Variants in ANO3 observed in about 807,000 individuals in gnomAD.
ANO3 encodes the protein anoctamin 3, also known as anoctamin-3.
A neutral mutation model predicts 144.8 loss-of-function variants in ANO3; 99 were observed. The observed-to-expected ratio is 0.68, with a 90% CI of 0.58 to 0.81. ANO3 has a LOEUF of 0.81. ANO3 is among the 30% of genes least tolerant of loss of function. The pLI is 0.00. For synonymous variants in ANO3, 414 were observed against 392.6 expected (o/e 1.05, Z -0.64); for missense variants, 905 against 1,202.2 (o/e 0.75, Z 3.66).
intron 5 of ANO3, among the ~76,000 whole-genome samples, chr11:26,512,442 C>T (rs990647633): frequency 6.6e-6 from 1 of 152,158 alleles, no homozygotes; most frequent in African/African-American, 2.4e-5. Flanking sequence ...GGTAATCTTT[C>T]TCCCTGACAG....
chr11:26,437,863 A>T (rs1229219072), intron 1 of ANO3, among the ~76,000 whole-genome samples: 1 of 152,256 alleles, frequency 6.6e-6, no homozygotes, highest in East Asian at 1.9e-4. Flanking sequence ...AAATATTGGG[A>T]ATTAGAATTT....
At chr11:26,311,822 A>G (rs998144622) in intron 1 of ANO3, among the ~76,000 whole-genome samples, 1 of 152,096 alleles carries the variant, frequency 6.6e-6, no homozygotes, top group Non-Finnish European at 1.5e-5. Context: ...TTTCCCTCTT[A>G]ACTGATTAAA....
Position 26,531,206 on chromosome 11 carries a change from A to G in ANO3, c.739A>G (p.Met247Val), listed in dbSNP as rs772145439. 14 of 1,613,890 alleles carry G rather than the reference A, an allele frequency of 8.7e-6. No homozygotes were observed. Among genetic ancestry groups the G allele is most frequent in the Non-Finnish European group, 1.7e-6 (2 of 1,179,990 alleles). Residue 247 changes from methionine (M) to valine (V), a missense_variant and splice_region_variant, in exon 8 of 27, where the codon ATG (methionine) becomes GTG (valine). Physicochemically the swap from Met to Val is conservative, Grantham distance 21. Transcript: ENST00000256737. ...TTCTCAAATGTGACTTCATTCCAGG[A>G]TGCAAACTTATTTTAGAAGAATCAA... ...TDGRSKSMGR[M>V]QTYFRRIKNW...
chr11:26,564,736 T>TAC lies in ANO3; in HGVS notation c.1447+4958_1447+4959insCA, dbSNP rs1565109044. Among the ~76,000 whole-genome samples the TAC allele has an allele frequency of 5.3e-3, 99 of 18,766 alleles. 2 individuals are homozygous for TAC. The highest frequency in any genetic ancestry group is 0.018 in the African/African-American group (98 of 5,532). The allele number at this position is 18,766 out of a possible 152,430, so 12.3% of individuals were successfully genotyped here. On this transcript the variant is annotated intron_variant, in intron 14 of 26. Coordinates refer to ENST00000256737, the MANE Select transcript of ANO3 (RefSeq NM_031418.4). ...ACACACACACACACACACACACATATATATATATATATATATATATATATA... is the reference window on the plus strand; with the variant it reads ...ACACACACACACACACACACACATATACATATATATATATATATATATATATA...
At chr11:26,203,112 G>C (rs957314989) in intron 1 of ANO3, among the ~76,000 whole-genome samples, 1 of 152,112 alleles carries the variant, frequency 6.6e-6, no homozygotes, top group Non-Finnish European at 1.5e-5. Flanking sequence ...AATTAGGATA[G>C]TGACATGGTT....
chr11:26,615,922 T>G (rs1313165093), intron 17 of ANO3, among the ~76,000 whole-genome samples: 2 of 152,202 alleles, frequency 1.3e-5, no homozygotes, highest in Non-Finnish European at 2.9e-5. Context: ...TCATAAATAT[T>G]TGAATGCTCA....
intron 1 of ANO3, among the ~76,000 whole-genome samples, chr11:26,342,909 T>C (rs958621179): frequency 9.9e-5 from 15 of 152,206 alleles, no homozygotes; most frequent in Admixed American, 1.3e-4. Context: ...TTTTATATGT[T>C]TTGACATACA....
chr11:26,441,489 G>A (rs1858521924), intron 1 of ANO3, among the ~76,000 whole-genome samples: 1 of 152,092 alleles, frequency 6.6e-6, no homozygotes, highest in South Asian at 2.1e-4. Context: ...CATTATGTAT[G>A]TGTTTAAGGG....
At chr11:26,220,913 CT>C (rs1852129803) in intron 1 of ANO3, among the ~76,000 whole-genome samples, 1 of 152,156 alleles carries the variant, frequency 6.6e-6, no homozygotes, top group African/African-American at 2.4e-5. Context: ...TAGGTCACCC[CT>C]GACTGCCTAC....
At position 26,358,038 on chromosome 11, in the gene ANO3, A is replaced by G. The variant is rs1590288973; in HGVS notation, c.46+25717A>G. 3.9e-5 allele frequency among the ~76,000 whole-genome samples: 6 copies of G among 152,294 alleles called. No homozygotes were observed. The South Asian group carries it at 1.0e-3, about 26-fold the overall frequency. ...TTCTGTTTCATTAGTCTACTTGTCA[A>G]TCTTTATAACAACTTCATACGGTAG... On this transcript the variant is annotated intron_variant, in intron 1 of 26. Transcript: ENST00000256737.
intron 26 of ANO3, 78 bp from the exon 27 acceptor site, chr11:26,660,184 A>G (rs1853833930): frequency 1.5e-6 from 2 of 1,322,110 alleles, no homozygotes; most frequent in Non-Finnish European, 2.1e-6. Flanking sequence ...CAAATGCAAC[A>G]TTGTTCATTG....
At chr11:26,621,312 C>G (rs1185989419) in intron 17 of ANO3, among the ~76,000 whole-genome samples, 1 of 152,116 alleles carries the variant, frequency 6.6e-6, no homozygotes, top group East Asian at 1.9e-4. Context: ...TGACTCATCT[C>G]TTACTACTTC....
intron 14 of ANO3, among the ~76,000 whole-genome samples, chr11:26,583,428 T>G (rs1851186625): frequency 6.6e-6 from 1 of 152,210 alleles, no homozygotes; most frequent in Non-Finnish European, 1.5e-5. Context: ...AGAGGAAATT[T>G]AACAAGACAA....
At chr11:26,326,274 A>G (rs1369242960) in intron 1 of ANO3, among the ~76,000 whole-genome samples, 1 of 152,172 alleles carries the variant, frequency 6.6e-6, no homozygotes, top group Non-Finnish European at 1.5e-5. Flanking sequence ...TTACACTGAG[A>G]TAAAAGGCAA....
chr11:26,407,189 A>G (rs1857311715), intron 1 of ANO3, among the ~76,000 whole-genome samples: 2 of 150,944 alleles, frequency 1.3e-5, no homozygotes, highest in East Asian at 2.0e-4. Flanking sequence ...CATTTCTAAA[A>G]TCAAGTGTTC....
intron 1 of ANO3, chr11:26,309,788 T>C: frequency 1.3e-6 from 1 of 789,590 alleles, no homozygotes; most frequent in Non-Finnish European, 1.5e-6. Flanking sequence ...TGGTAGCAAC[T>C]CCAGAGTCTT....
At chr11:26,521,132 G>A (rs1862056415) in intron 6 of ANO3, among the ~76,000 whole-genome samples, 1 of 152,098 alleles carries the variant, frequency 6.6e-6, no homozygotes, top group Admixed American at 6.6e-5. Context: ...TGCTATTCAA[G>A]CATAAACTAA....
chr11:26,382,908 C>A (rs1856625554), intron 1 of ANO3, among the ~76,000 whole-genome samples: 1 of 152,060 alleles, frequency 6.6e-6, no homozygotes, highest in Admixed American at 6.6e-5. Flanking sequence ...AGTTACAAAT[C>A]CTTATAGGGC....
intron 26 of ANO3, among the ~76,000 whole-genome samples, chr11:26,658,846 T>C (rs1853781821): frequency 6.6e-6 from 1 of 152,150 alleles, no homozygotes; most frequent in African/African-American, 2.4e-5. Flanking sequence ...TTGGGACACA[T>C]ATAATAAGCC....
Sources: gnomAD v4.1 joint callset for allele counts (sites outside exome capture counted in the v4.1 genomes callset) on GRCh38, gnomAD v4.1.1 for gene constraint, MANE v1.5 for transcripts, NCBI Gene and HGNC (gene_info 2026-07-23, HGNC 2026-07-21) for gene names.